STIM1: variants seen among roughly 807,000 people sequenced by gnomAD.
STIM1 encodes stromal interaction molecule 1.
Under a neutral mutation model 74.7 loss-of-function variants are expected in STIM1, and 25 were observed. That is an observed-to-expected ratio of 0.33 (90% confidence interval 0.24 to 0.47). The LOEUF is 0.47. Ranked by LOEUF, STIM1 falls within the 20% of genes least tolerant of loss-of-function variation. The pLI is 1.00. For missense variants in STIM1, 728 were observed against 920.8 expected (o/e 0.79, Z 2.71); for synonymous variants, 328 against 348.8 (o/e 0.94, Z 0.66).
chr11:3,928,885 G>T (rs562271793), intron 1 of STIM1, among the ~76,000 whole-genome samples: 2 of 151,608 alleles, frequency 1.3e-5, no homozygotes, highest in Non-Finnish European at 2.9e-5. Flanking sequence ...CTTTTTCCTC[G>T]AGACAGACTC....
chr11:4,039,828 C>T (rs1007983298), intron 3 of STIM1, among the ~76,000 whole-genome samples: 3 of 151,798 alleles, frequency 2.0e-5, no homozygotes, highest in Admixed American at 6.6e-5. Flanking sequence ...AGTACAGTGG[C>T]GTGATCTTGG....
At chr11:4,071,725 T>C (rs1385458918) in intron 6 of STIM1, among the ~76,000 whole-genome samples, 1 of 152,206 alleles carries the variant, frequency 6.6e-6, no homozygotes, top group African/African-American at 2.4e-5. Context: ...GTTAAATACT[T>C]AAATGCATTA....
At chr11:3,913,382 C>G (rs1055065535) in intron 1 of STIM1, among the ~76,000 whole-genome samples, 1 of 151,684 alleles carries the variant, frequency 6.6e-6, no homozygotes, top group South Asian at 2.1e-4. Context: ...GAAATGAGGT[C>G]TCACGATGTT....
At chr11:4,020,996 A>G (rs1336718924) in intron 2 of STIM1, among the ~76,000 whole-genome samples, 3 of 151,954 alleles carry the variant, frequency 2.0e-5, no homozygotes, top group Admixed American at 6.5e-5. Context: ...TTCCTTATAT[A>G]TTCTAGATGT....
At chr11:3,986,259 G>A (rs941026640) in intron 2 of STIM1, among the ~76,000 whole-genome samples, 3 of 152,216 alleles carry the variant, frequency 2.0e-5, no homozygotes, top group African/African-American at 4.8e-5. Flanking sequence ...GAGGATGATA[G>A]GAAACACTAT....
chr11:3,876,753 A>G (rs1324623041), intron 1 of STIM1, among the ~76,000 whole-genome samples: 3 of 152,192 alleles, frequency 2.0e-5, no homozygotes, highest in Admixed American at 6.6e-5. Context: ...AGAAATACTG[A>G]TATCTACCTA....
At chr11:3,900,919 G>A (rs377014651) in intron 1 of STIM1, among the ~76,000 whole-genome samples, 7 of 152,168 alleles carry the variant, frequency 4.6e-5, no homozygotes, top group East Asian at 3.9e-4. Flanking sequence ...GGCTAGGCAC[G>A]GTGGCTCACA....
chr11:3,999,340 C>T (rs557470626), intron 2 of STIM1, among the ~76,000 whole-genome samples: 1 of 152,342 alleles, frequency 6.6e-6, no homozygotes, highest in East Asian at 1.9e-4. Flanking sequence ...TCAAAACCAA[C>T]AAACAGCAAA....
At chr11:3,957,269 A>T (rs1365931399) in intron 1 of STIM1, among the ~76,000 whole-genome samples, 5 of 151,854 alleles carry the variant, frequency 3.3e-5, no homozygotes, top group African/African-American at 9.7e-5. Flanking sequence ...TATTATTATT[A>T]TTTTTGAGAC....
chr11:4,020,305 A>T (rs2093943841), intron 2 of STIM1, among the ~76,000 whole-genome samples: 1 of 152,184 alleles, frequency 6.6e-6, no homozygotes, highest in East Asian at 1.9e-4. Context: ...TTTCCTTTGG[A>T]TGTGTACCGA....
At chr11:4,072,259 C>T (rs2094408778) in intron 6 of STIM1, among the ~76,000 whole-genome samples, 1 of 152,192 alleles carries the variant, frequency 6.6e-6, no homozygotes, top group Non-Finnish European at 1.5e-5. Context: ...CATATATCCT[C>T]CTCTGAGTGT....
At chr11:3,995,182 T>C (rs1406529669) in intron 2 of STIM1, among the ~76,000 whole-genome samples, 1 of 152,200 alleles carries the variant, frequency 6.6e-6, no homozygotes, top group African/African-American at 2.4e-5. Flanking sequence ...AGAGTTTCTG[T>C]TGCCTACTTT....
intron 1 of STIM1, among the ~76,000 whole-genome samples, chr11:3,929,598 A>T (rs751405186): frequency 9.2e-5 from 14 of 152,212 alleles, no homozygotes; most frequent in South Asian, 4.1e-4. Flanking sequence ...GAGCAAGTTC[A>T]TCAAGATATT....
At chr11:3,993,214 T>G (rs1280909689) in intron 2 of STIM1, among the ~76,000 whole-genome samples, 1 of 152,198 alleles carries the variant, frequency 6.6e-6, no homozygotes, top group African/African-American at 2.4e-5. Context: ...CTGACTTATA[T>G]TCCCCTTGTC....
chr11:3,899,262 T>C (rs1388055383), intron 1 of STIM1, among the ~76,000 whole-genome samples: 1 of 152,194 alleles, frequency 6.6e-6, no homozygotes, highest in East Asian at 1.9e-4. Context: ...CTAGGTATTT[T>C]ACTCTCTTTG....
chr11:4,090,153 G>A (rs2094515548), intron 12 of STIM1, among the ~76,000 whole-genome samples: 1 of 152,122 alleles, frequency 6.6e-6, no homozygotes, highest in South Asian at 2.1e-4. Context: ...AGCTTGGCAG[G>A]CCTCATCATC....
chr11:3,919,183 A>G (rs1010265181), intron 1 of STIM1, among the ~76,000 whole-genome samples: 1 of 152,156 alleles, frequency 6.6e-6, no homozygotes, highest in African/African-American at 2.4e-5. Context: ...TGAAGATGCC[A>G]AGGACTTTTC....
rs899641604 is a variant in STIM1, at chr11:4,058,736, A to G, written c.498-545A>G. ...CTTGTATTGCAGTGACTCAAATACA[A>G]GCTAACAGGACTAATTCCATTTTTG... On this transcript the variant is annotated intron_variant, in intron 4 of 12. Transcript: ENST00000526596. 7.3e-6 allele frequency: 7 copies of G among 954,558 alleles called. No homozygotes were observed. The Admixed American group carries it at 3.4e-4, about 46-fold the overall frequency. The allele number at this position is 954,558 out of a possible 1,614,324, so 59.1% of individuals were successfully genotyped here.
At chr11:3,937,647 A>G (rs2092951283) in intron 1 of STIM1, among the ~76,000 whole-genome samples, 1 of 145,884 alleles carries the variant, frequency 6.9e-6, no homozygotes, top group Non-Finnish European at 1.5e-5. Flanking sequence ...CAGTCCTTCA[A>G]TGTCACTCTT....
Sources: allele counts gnomAD v4.1 joint callset (sites outside exome capture counted in the v4.1 genomes callset), GRCh38; gene constraint gnomAD v4.1.1; transcripts MANE v1.5; gene names NCBI Gene and HGNC (gene_info 2026-07-23, HGNC 2026-07-21).